Variants in VPS35L observed in about 807,000 individuals in gnomAD.
VPS35L encodes the protein VPS35 endosomal protein sorting factor like, also known as VPS35 endosomal protein-sorting factor-like.
In VPS35L, 83 loss-of-function variants were observed where a neutral mutation model predicts 133.0. The ratio of observed to expected loss-of-function variants is 0.62; its 90% CI spans 0.52 to 0.75. VPS35L has a LOEUF of 0.75. VPS35L is among the 30% of genes least tolerant of loss of function. The probability of loss-of-function intolerance (pLI) is 0.00; values close to 1 mark genes in which losing one functional copy is unlikely to be tolerated. For missense variants in VPS35L, 1,083 were observed against 1,206.8 expected (o/e 0.90, Z 1.52); for synonymous variants, 423 against 449.9 (o/e 0.94, Z 0.76).
At chr16:19,602,332 A>C (rs1228135658) in intron 9 of VPS35L, among the ~76,000 whole-genome samples, 1 of 152,104 alleles carries the variant, frequency 6.6e-6, no homozygotes. Context: ...GAGCACTGCT[A>C]TGAGGAAACG....
intron 26 of VPS35L, among the ~76,000 whole-genome samples, chr16:19,655,827 C>G (rs528353893): frequency 6.6e-6 from 1 of 152,264 alleles, no homozygotes; most frequent in East Asian, 1.9e-4. Context: ...TCTTTCAGTC[C>G]CTTCTCTAGG....
At chr16:19,570,846 TA>T in intron 3 of VPS35L, among the ~76,000 whole-genome samples, 1 of 8,942 alleles carries the variant, frequency 1.1e-4, no homozygotes, top group Non-Finnish European at 1.6e-4. Context: ...TATATATATA[TA>T]TATATATATA....
At chr16:19,693,556 G>A (rs1191657548) in intron 29 of VPS35L, among the ~76,000 whole-genome samples, 13 of 152,134 alleles carry the variant, frequency 8.5e-5, no homozygotes, top group East Asian at 3.9e-4. Flanking sequence ...TGAGGTGGGC[G>A]GATCACTTGA....
intron 7 of VPS35L, among the ~76,000 whole-genome samples, chr16:19,583,775 A>G (rs1971779696): frequency 6.6e-6 from 1 of 152,000 alleles, no homozygotes; most frequent in Admixed American, 6.6e-5. Context: ...ATTTTGGACT[A>G]TAGTCACCCT....
chr16:19,674,635 A>G (rs1567477346), intron 27 of VPS35L, among the ~76,000 whole-genome samples: 1 of 152,164 alleles, frequency 6.6e-6, no homozygotes, highest in South Asian at 2.1e-4. Flanking sequence ...ATACATTACT[A>G]TTGACATAGA....
chr16:19,636,988 G>C (rs138296562), intron 19 of VPS35L, among the ~76,000 whole-genome samples: 9 of 152,186 alleles, frequency 5.9e-5, no homozygotes, highest in Non-Finnish European at 7.3e-5. Context: ...GAAACACAGG[G>C]CCACACGATG....
chr16:19,690,816 A>G (rs1975644250), intron 28 of VPS35L, among the ~76,000 whole-genome samples: 1 of 152,152 alleles, frequency 6.6e-6, no homozygotes, highest in Non-Finnish European at 1.5e-5. Context: ...TTAAAAAAAT[A>G]GCCAGGCGTG....
Position 19,561,934 on chromosome 16 carries a change from C to T in VPS35L, c.18-2917C>T, listed in dbSNP as rs1487701520. Among the ~76,000 whole-genome samples the T allele has an allele frequency of 4.6e-5, 7 of 151,998 alleles. No individual in the cohort carries two copies. The South Asian group carries it at 1.0e-3, about 23-fold the overall frequency. Reference sequence around the variant, plus strand: ...CAGCTTGGCCAACATGGTGAAACCCCGTTTCTAATAAAAAATACAAAAATT... The same window carrying T: ...CAGCTTGGCCAACATGGTGAAACCCTGTTTCTAATAAAAAATACAAAAATT... On this transcript the variant is annotated intron_variant, in intron 1 of 30. Coordinates refer to ENST00000417362, the MANE Select transcript of VPS35L (RefSeq NM_020314.7).
intron 9 of VPS35L, among the ~76,000 whole-genome samples, chr16:19,603,620 GC>G (rs1972455326): frequency 6.6e-6 from 1 of 152,146 alleles, no homozygotes; most frequent in Non-Finnish European, 1.5e-5. Flanking sequence ...CTATGTTCTG[GC>G]CATCTCAGGG....
At chr16:19,644,781 G>A in intron 22 of VPS35L, 105 bp from the exon 23 acceptor site, 1 of 686,534 alleles carries the variant, frequency 1.5e-6, no homozygotes, top group East Asian at 2.8e-5. Context: ...TCTAGAAAAT[G>A]CAAAATGTTC....
chr16:19,646,680 G>A (rs1597391829), intron 23 of VPS35L, among the ~76,000 whole-genome samples: 1 of 145,000 alleles, frequency 6.9e-6, no homozygotes, highest in African/African-American at 2.5e-5. Context: ...AAAAAAAAAA[G>A]AAATCACACA....
intron 28 of VPS35L, among the ~76,000 whole-genome samples, chr16:19,687,459 G>A (rs1313813661): frequency 6.6e-6 from 1 of 152,222 alleles, no homozygotes; most frequent in African/African-American, 2.4e-5. Flanking sequence ...TACAAGTCAT[G>A]ACACAGCAGC....
chr16:19,570,879 A>ATTTTTTTTT (rs1567388832), intron 3 of VPS35L, among the ~76,000 whole-genome samples: 1 of 57,638 alleles, frequency 1.7e-5, no homozygotes, highest in African/African-American at 9.0e-5. Flanking sequence ...ATATATATAT[A>ATTTTTTTTT]TATATATATA....
At chr16:19,692,448 T>G (rs1975726444) in intron 29 of VPS35L, among the ~76,000 whole-genome samples, 1 of 152,100 alleles carries the variant, frequency 6.6e-6, no homozygotes, top group East Asian at 1.9e-4. Context: ...TCAGAGCCGT[T>G]GATATTTCCT....
intron 19 of VPS35L, 99 bp from the exon 20 acceptor site, chr16:19,637,495 T>A: frequency 9.3e-6 from 8 of 855,818 alleles, no homozygotes; most frequent in Non-Finnish European, 1.2e-5. Context: ...ATTGCCTTTT[T>A]AAAAAAAAAT....
chr16:19,565,060 A>ATTT, intron 2 of VPS35L, 110 bp downstream of exon 2: 16 of 562,874 alleles, frequency 2.8e-5, no homozygotes, highest in Non-Finnish European at 4.1e-5. Flanking sequence ...TGCATATTTG[A>ATTT]TTTTTTTTTT....
intron 5 of VPS35L, among the ~76,000 whole-genome samples, chr16:19,575,425 G>A (rs112342291): frequency 4.5e-3 from 678 of 151,968 alleles, no homozygotes; most frequent in African/African-American, 0.016. Flanking sequence ...AATTTGCTGG[G>A]CGTGGTGGCG....
chr16:19,555,779 G>A (rs1970832394), intron 1 of VPS35L, 33 bp downstream of exon 1: 1 of 1,551,120 alleles, frequency 6.4e-7, no homozygotes, highest in Non-Finnish European at 8.7e-7. Context: ...GCTTTGGAGA[G>A]GGGCTGTCCT....
chr16:19,664,030 C>T (rs577437256), intron 26 of VPS35L, among the ~76,000 whole-genome samples: 2 of 152,164 alleles, frequency 1.3e-5, no homozygotes, highest in East Asian at 3.9e-4. Flanking sequence ...GGTCCACAGA[C>T]CTTTTGAAAC....
Sources: allele counts gnomAD v4.1 joint callset (sites outside exome capture counted in the v4.1 genomes callset), GRCh38; gene constraint gnomAD v4.1.1; transcripts MANE v1.5; gene names NCBI Gene and HGNC (gene_info 2026-07-23, HGNC 2026-07-21).